The following DLGAP1 variants were observed in gnomAD, a reference collection of about 807,000 sequenced individuals.
DLGAP1 encodes the protein disks large-associated protein 1.
A neutral mutation model predicts 90.8 loss-of-function variants in DLGAP1; 11 were observed. The ratio of observed to expected loss-of-function variants is 0.12; its 90% confidence interval spans 0.08 to 0.20. The LOEUF is 0.20. DLGAP1 is among the 10% of genes least tolerant of loss of function. The pLI, the probability that DLGAP1 is intolerant of heterozygous loss-of-function variation, is 1.00. For missense variants in DLGAP1, 1,050 were observed against 1,333.8 expected (o/e 0.79, Z 3.31); for synonymous variants, 558 against 540.7 (o/e 1.03, Z -0.44).
At chr18:4,116,802 T>G (rs2144063284) in intron 2 of DLGAP1, among the ~76,000 whole-genome samples, 1 of 152,368 alleles carries the variant, frequency 6.6e-6, no homozygotes, top group South Asian at 2.1e-4. Flanking sequence ...TTCTCTGAAC[T>G]TATTTAAAAT....
At chr18:4,002,704 A>G (rs1254519008) in intron 3 of DLGAP1, among the ~76,000 whole-genome samples, 3 of 152,178 alleles carry the variant, frequency 2.0e-5, no homozygotes, top group Non-Finnish European at 4.4e-5. Context: ...GTCAAAAATT[A>G]AACAGAATTG....
chr18:3,961,934 G>T (rs956524458), intron 3 of DLGAP1, among the ~76,000 whole-genome samples: 3 of 152,204 alleles, frequency 2.0e-5, no homozygotes, highest in Admixed American at 6.5e-5. Flanking sequence ...CTGGATGCAG[G>T]ATGCTAACAT....
chr18:3,748,994 C>G (rs1004611747), intron 5 of DLGAP1, among the ~76,000 whole-genome samples: 3 of 152,070 alleles, frequency 2.0e-5, no homozygotes, highest in African/African-American at 7.2e-5. Context: ...CAATGCCTGG[C>G]TACTGTTAGA....
At chr18:3,874,863 T>A in intron 4 of DLGAP1, 1 of 1,018,628 alleles carries the variant, frequency 9.8e-7, no homozygotes, top group Non-Finnish European at 1.3e-6. Flanking sequence ...TGAGCACTTA[T>A]CACTCATAAT....
chr18:3,584,040 G>C (rs2055730675), intron 7 of DLGAP1, among the ~76,000 whole-genome samples: 1 of 152,142 alleles, frequency 6.6e-6, no homozygotes, highest in African/African-American at 2.4e-5. Context: ...CCCGACAGCA[G>C]CCTCAGCCCC....
intron 10 of DLGAP1, among the ~76,000 whole-genome samples, chr18:3,521,867 T>C (rs1489072379): frequency 6.6e-6 from 1 of 152,238 alleles, no homozygotes; most frequent in East Asian, 1.9e-4. Flanking sequence ...ACCTGTGATA[T>C]TCTGATCCTT....
intron 3 of DLGAP1, among the ~76,000 whole-genome samples, chr18:3,913,471 C>T (rs753148166): frequency 1.2e-4 from 18 of 152,108 alleles, no homozygotes; most frequent in Non-Finnish European, 2.2e-4. Flanking sequence ...TAAACATAGC[C>T]TCTGTTTATC....
At chr18:3,970,640 T>A (rs1162087045) in intron 3 of DLGAP1, among the ~76,000 whole-genome samples, 1 of 149,884 alleles carries the variant, frequency 6.7e-6, no homozygotes, top group Admixed American at 6.6e-5. Context: ...TGCCCCATAT[T>A]AGACTGCAAA....
chr18:4,387,361 T>A (rs1283582264), intron 1 of DLGAP1, among the ~76,000 whole-genome samples: 1 of 152,222 alleles, frequency 6.6e-6, no homozygotes, highest in Non-Finnish European at 1.5e-5. Context: ...ATTAATGTAA[T>A]AAAGATTTAA....
intron 10 of DLGAP1, among the ~76,000 whole-genome samples, chr18:3,523,843 G>T (rs1223575488): frequency 1.6e-5 from 2 of 127,670 alleles, no homozygotes; most frequent in Admixed American, 1.6e-4. Context: ...GCAAGACTCT[G>T]TCTCAAAAAA....
At chr18:4,411,821 A>T (rs781032129) in intron 1 of DLGAP1, among the ~76,000 whole-genome samples, 45 of 152,310 alleles carry the variant, frequency 3.0e-4, no homozygotes, top group Admixed American at 5.2e-4. Context: ...TAACAGCATG[A>T]TGGCTGGGTT....
At chr18:3,626,245 C>A (rs1047057468) in intron 7 of DLGAP1, among the ~76,000 whole-genome samples, 1 of 148,850 alleles carries the variant, frequency 6.7e-6, no homozygotes. Flanking sequence ...GAGTAGTGAT[C>A]GCGCCAGTGC....
Position 3,879,094 on chromosome 18 carries a change from CATT to C in DLGAP1, c.957+15_957+17del. On this transcript the variant is annotated intron_variant, in intron 4 of 12. Transcript: ENST00000315677. The surrounding 1 kb of genome is among the most constrained non-coding windows in gnomAD (Gnocchi z 6.6). ...CCAGGTACTACTTCTAAGCCTCCATCATTGACAGAAATGGTACCTGCAGGTACT... is the reference window on the plus strand; with the variant it reads ...CCAGGTACTACTTCTAAGCCTCCATCGACAGAAATGGTACCTGCAGGTACT... The C allele has an allele frequency of 2.0e-6, 3 of 1,485,804 alleles. No individual in the cohort carries two copies. The highest frequency in any genetic ancestry group is 2.7e-6 in the Non-Finnish European group (3 of 1,117,758). 92.0% of individuals were successfully genotyped at this position (1,485,804 alleles called of 1,614,324 possible).
intron 1 of DLGAP1, among the ~76,000 whole-genome samples, chr18:4,305,335 G>A (rs1474903055): frequency 1.3e-5 from 2 of 152,062 alleles, no homozygotes; most frequent in African/African-American, 4.8e-5. Context: ...GGGAGTTTAA[G>A]ACCAGCTTGA....
chr18:4,319,404 G>A (rs547444045), intron 1 of DLGAP1, among the ~76,000 whole-genome samples: 7 of 152,160 alleles, frequency 4.6e-5, no homozygotes, highest in Admixed American at 6.5e-5. Context: ...ACAACATGAG[G>A]GCTGAACAAA....
intron 2 of DLGAP1, 50 bp downstream of exon 2, chr18:4,151,130 T>C (rs1028854892): frequency 2.0e-5 from 3 of 152,206 alleles, no homozygotes; most frequent in Non-Finnish European, 4.4e-5. Flanking sequence ...GAAGCTGTTA[T>C]TTAAGAAACT....
intron 2 of DLGAP1, among the ~76,000 whole-genome samples, chr18:4,049,489 C>G (rs1412289669): frequency 1.3e-5 from 2 of 152,150 alleles, no homozygotes; most frequent in Admixed American, 1.3e-4. Context: ...AGCCTGCCAC[C>G]ATATCCCTGT....
intron 7 of DLGAP1, among the ~76,000 whole-genome samples, chr18:3,628,258 T>C (rs912274002): frequency 6.6e-6 from 1 of 151,150 alleles, no homozygotes; most frequent in Admixed American, 6.6e-5. Context: ...GGTGTGATCT[T>C]GGCTCGCTGT....
intron 1 of DLGAP1, among the ~76,000 whole-genome samples, chr18:4,282,363 C>CAAAAAAAAA: frequency 1.0e-5 from 1 of 99,100 alleles, no homozygotes. Flanking sequence ...GACTCTGTCT[C>CAAAAAAAAA]AAAAAAAAAA....
Sources: gnomAD v4.1 joint callset for allele counts (sites outside exome capture counted in the v4.1 genomes callset) on GRCh38, gnomAD v4.1.1 for gene constraint, Gnocchi (gnomAD v3.1) non-coding constraint, MANE v1.5 for transcripts, NCBI Gene and HGNC (gene_info 2026-07-23, HGNC 2026-07-21) for gene names.